DENND1B: variants seen among roughly 807,000 people sequenced by gnomAD.
The protein encoded by DENND1B is DENN domain-containing protein 1B.
Under a neutral mutation model 90.1 loss-of-function variants are expected in DENND1B, and 59 were observed. The observed-to-expected ratio is 0.65, with a 90% CI of 0.53 to 0.81. The LOEUF is 0.81. Ranked by LOEUF, DENND1B falls within the 40% of genes least tolerant of loss-of-function variation. The pLI is 0.00. For missense variants in DENND1B, 862 were observed against 912.6 expected (o/e 0.94, Z 0.71); for synonymous variants, 337 against 324.6 (o/e 1.04, Z -0.41).
At chr1:197,746,772 G>T in intron 2 of DENND1B, 1 of 1,466,954 alleles carries the variant, frequency 6.8e-7, no homozygotes, top group Non-Finnish European at 9.5e-7. Flanking sequence ...ATGTCACTTT[G>T]GGTTTCCCAT....
At chr1:197,515,469 A>G (rs966631344) in intron 20 of DENND1B, among the ~76,000 whole-genome samples, 1 of 151,772 alleles carries the variant, frequency 6.6e-6, no homozygotes, top group Admixed American at 6.6e-5. Flanking sequence ...TTCTGAAGAC[A>G]AGCCATTAGT....
chr1:197,648,171 T>G (rs1222665633), intron 7 of DENND1B, among the ~76,000 whole-genome samples: 1 of 152,176 alleles, frequency 6.6e-6, no homozygotes, highest in Non-Finnish European at 1.5e-5. Context: ...AACTTCAATT[T>G]GCTACCAACC....
intron 2 of DENND1B, chr1:197,747,562 C>G (rs1273831687): frequency 5.4e-6 from 1 of 184,538 alleles, no homozygotes; most frequent in Non-Finnish European, 1.1e-5. Flanking sequence ...ACAAAGTGAG[C>G]ACATGCTGTT....
intron 3 of DENND1B, among the ~76,000 whole-genome samples, chr1:197,674,681 A>AAG (rs1655880635): frequency 6.6e-6 from 1 of 151,542 alleles, no homozygotes; most frequent in African/African-American, 2.4e-5. Flanking sequence ...AAAAAAAAAA[A>AAG]AGAGAGAGAG....
intron 13 of DENND1B, among the ~76,000 whole-genome samples, chr1:197,595,929 T>C (rs1675646901): frequency 6.6e-6 from 1 of 152,056 alleles, no homozygotes; most frequent in African/African-American, 2.4e-5. Flanking sequence ...CACAGTCTTC[T>C]AAGAAAAGCA....
chr1:197,684,183 C>T (rs1372251867), intron 3 of DENND1B, among the ~76,000 whole-genome samples: 1 of 152,198 alleles, frequency 6.6e-6, no homozygotes, highest in Non-Finnish European at 1.5e-5. Flanking sequence ...GTGCCAAGTT[C>T]TGACCTAAGC....
At chr1:197,547,169 G>A (rs1270838958) in intron 16 of DENND1B, among the ~76,000 whole-genome samples, 1 of 152,146 alleles carries the variant, frequency 6.6e-6, no homozygotes, top group Non-Finnish European at 1.5e-5. Flanking sequence ...TTGAAAGGCT[G>A]TGGCCAGGGC....
intron 11 of DENND1B, among the ~76,000 whole-genome samples, chr1:197,613,057 G>A (rs913017271): frequency 2.0e-5 from 3 of 150,650 alleles, no homozygotes; most frequent in African/African-American, 7.3e-5. Context: ...GCTCTATTAT[G>A]ACACTCTTTT....
chr1:197,775,046 C>T (rs1657121633), intron 1 of DENND1B, 93 bp downstream of exon 1: 13 of 907,566 alleles, frequency 1.4e-5, no homozygotes, highest in African/African-American at 3.5e-5. Flanking sequence ...CCCGGGGAGC[C>T]GGTTGAGCGC....
chr1:197,728,558 C>T (rs7539292), intron 2 of DENND1B, among the ~76,000 whole-genome samples: 3,749 of 152,198 alleles, frequency 0.025, 150 homozygotes, highest in African/African-American at 0.085. Context: ...AGCCTTCACA[C>T]GCCTTCATCC....
Position 197,512,881 on chromosome 1 carries a change from T to C in DENND1B, c.1588A>G (p.Arg530Gly). Residue 530 changes from arginine to glycine, a missense_variant, in exon 21 of 23, where the codon AGA becomes GGA. Arg to Gly is a moderately radical substitution (Grantham distance 125). Transcript: ENST00000620048. ...AAATCCATTACTTACTTGCTTGCTC[T>C]TTCAATGTCATCATCATCTTCATCA... Reference protein sequence around the residue: ...YDDEDDDDIERASKLSSEDGE... With the variant: ...YDDEDDDDIEGASKLSSEDGE... 1 of 1,610,394 alleles carries C rather than the reference T, an allele frequency of 6.2e-7. No homozygotes were observed. Among genetic ancestry groups the C allele is most frequent in the African/African-American group, 1.3e-5 (1 of 74,732 alleles).
intron 10 of DENND1B, among the ~76,000 whole-genome samples, chr1:197,628,976 G>C (rs1679061057): frequency 6.6e-6 from 1 of 152,122 alleles, no homozygotes; most frequent in Non-Finnish European, 1.5e-5. Context: ...ACCACAATGA[G>C]ATACCATCTC....
chr1:197,584,780 T>C (rs1249848086), intron 14 of DENND1B, among the ~76,000 whole-genome samples: 1 of 151,170 alleles, frequency 6.6e-6, no homozygotes, highest in Non-Finnish European at 1.5e-5. Context: ...CAGGTGATCC[T>C]CCCACCTCAG....
At chr1:197,653,557 G>GA (rs1477596394) in intron 6 of DENND1B, among the ~76,000 whole-genome samples, 1 of 151,898 alleles carries the variant, frequency 6.6e-6, no homozygotes, top group Non-Finnish European at 1.5e-5. Context: ...GAAATGAACA[G>GA]AAAAAAGTAC....
In DENND1B at chr1:197,512,913, A is replaced by G. The variant is rs1292454486; in HGVS notation, c.1556T>C (p.Leu519Pro). The G allele has an allele frequency of 1.2e-6, 2 of 1,610,686 alleles. No individual in the cohort carries two copies. The highest frequency in any genetic ancestry group is 1.7e-6 in the Non-Finnish European group (2 of 1,178,058). Residue 519 changes from leucine to proline, a missense_variant, in exon 21 of 23, where the codon CTA (leucine) becomes CCA (proline). Physicochemically the swap from Leu to Pro is moderately conservative, Grantham distance 98. Coordinates refer to ENST00000620048, the MANE Select transcript of DENND1B (RefSeq NM_001195215.2). The stretch of plus-strand genomic sequence containing the variant: ...GTCATCATCATCTTCATCATCATAT[A>G]GAGCACCATCAAGGCTCTTAAGAGG... ...KRPLKSLDGA[L>P]YDDEDDDDIE...
At chr1:197,560,925 C>T (rs1406330352) in intron 15 of DENND1B, among the ~76,000 whole-genome samples, 1 of 151,868 alleles carries the variant, frequency 6.6e-6, no homozygotes, top group Non-Finnish European at 1.5e-5. Flanking sequence ...AGAAATTCTA[C>T]AAGCTCTAAG....
chr1:197,512,952 GCC>G lies in DENND1B; in HGVS notation c.1516-1_1516del. Reference sequence around the variant, plus strand: ...GCTCTTAAGAGGCCTTTTTAAGCGTGCCTGGAGAGAGAGATTGACAATAAATT... The same window carrying G: ...GCTCTTAAGAGGCCTTTTTAAGCGTGTGGAGAGAGAGATTGACAATAAATT... On this transcript the variant is annotated splice_acceptor_variant and coding_sequence_variant, in exon 21 of 23. Transcript: ENST00000620048. LOFTEE classifies it high-confidence loss of function. 1 of 1,605,922 alleles carries G rather than the reference GCC, an allele frequency of 6.2e-7. No individual in the cohort carries two copies. The highest frequency in any genetic ancestry group is 1.1e-5 in the South Asian group (1 of 89,908).
rs1338206824 is a variant in DENND1B, at chr1:197,553,012, T to C, written c.1240+10A>G. The C allele has an allele frequency of 3.2e-6, 5 of 1,572,960 alleles. No homozygotes were observed. The African/African-American group carries it at 5.6e-5, about 17-fold the overall frequency. On this transcript the variant is annotated intron_variant, in intron 16 of 22. Transcript: ENST00000620048. ...AGAAAATGGATAATCATATTGTAAC[T>C]TGTCTTTACCTCCACAAAAGCCACC...
intron 1 of DENND1B, 101 bp downstream of exon 1, chr1:197,775,038 C>G (rs1038578227): frequency 1.1e-5 from 9 of 856,842 alleles, no homozygotes; most frequent in Non-Finnish European, 1.4e-5. Context: ...CTCGGCCGCC[C>G]GGGGAGCCGG....
Sources: allele counts gnomAD v4.1 joint callset (sites outside exome capture counted in the v4.1 genomes callset), GRCh38; gene constraint gnomAD v4.1.1; transcripts MANE v1.5; gene names NCBI Gene and HGNC (gene_info 2026-07-23, HGNC 2026-07-21).